CFAP410: variants seen among roughly 807,000 people sequenced by gnomAD.
CFAP410 encodes cilia and flagella associated protein 410.
In CFAP410, 27 loss-of-function variants were observed where a neutral mutation model predicts 25.7. The ratio of observed to expected loss-of-function variants is 1.05; its 90% CI spans 0.77 to 1.45. The LOEUF is 1.45. Among genes scored for constraint, CFAP410 ranks in the 40% most tolerant of loss-of-function variants. The pLI is 0.00. For missense variants in CFAP410, 428 were observed against 354.1 expected, an observed-to-expected ratio of 1.21 and a Z score of -1.67; for synonymous variants, 178 against 158.4, an observed-to-expected ratio of 1.12 and a Z score of -0.93.
chr21:44,338,334 G>A (rs1172484599), intron 1 of CFAP410: 1 of 1,288,842 alleles, frequency 7.8e-7, no homozygotes, highest in South Asian at 1.2e-5. Context: ...CGGTCACTCT[G>A]CTGAGTCCCC....
At chr21:44,335,197 A>G (rs1159540412) in intron 3 of CFAP410, 5 of 154,924 alleles carry the variant, frequency 3.2e-5, no homozygotes, top group Admixed American at 1.3e-4. Flanking sequence ...TCTCTTCCCC[A>G]GAGCCCCCAA....
intron 5 of CFAP410, 168 bp downstream of exon 5, chr21:44,331,675 C>A: frequency 1.6e-6 from 1 of 633,390 alleles, no homozygotes. Flanking sequence ...ACTACCTGGG[C>A]ACTGAGTCAC....
chr21:44,331,057 G>C (rs1211947176), intron 5 of CFAP410, 138 bp from the exon 6 acceptor site: 1 of 777,724 alleles, frequency 1.3e-6, no homozygotes, highest in African/African-American at 1.8e-5. Flanking sequence ...GGCAAGAGAA[G>C]GGAGGCAACT....
intron 2 of CFAP410, chr21:44,336,909 A>T (rs1435488465): frequency 6.6e-6 from 1 of 151,788 alleles, no homozygotes. Flanking sequence ...ACACAGTGAA[A>T]CTCCATCTCT....
At chr21:44,332,554 C>T (rs1311931888) in intron 4 of CFAP410, 2 of 170,084 alleles carry the variant, frequency 1.2e-5, no homozygotes, top group African/African-American at 2.4e-5. Context: ...TGGAGCGCAG[C>T]AGCAGGCACT....
rs2047614755 is a variant in CFAP410, at chr21:44,330,118, G to C, written c.*80C>G. 1 of 1,462,420 alleles carries C rather than the reference G, an allele frequency of 6.8e-7. No homozygotes were observed. Among genetic ancestry groups the C allele is most frequent in the Admixed American group, 2.1e-5 (1 of 48,512 alleles). The allele number at this position is 1,462,420 out of a possible 1,614,324, so 90.6% of individuals were successfully genotyped here. A position where few individuals can be genotyped will look rare whatever the true frequency, so the allele number is the denominator to read the frequency against. On this transcript the variant is annotated 3_prime_UTR_variant, in exon 7 of 7. Transcript: ENST00000339818. Reference sequence around the variant, plus strand: ...GTGTGGGGCCGGGGCTGCGGCCATGGCAGCCACCCTCCAGCTCCCGGGGGC... The same window carrying C: ...GTGTGGGGCCGGGGCTGCGGCCATGCCAGCCACCCTCCAGCTCCCGGGGGC...
rs1904438972 is a variant in CFAP410, at chr21:44,330,932, CAA to C, written c.546-15_546-14del. 6.4e-7 allele frequency: 1 copy of C among 1,573,972 alleles called. No homozygotes were observed. The highest frequency in any genetic ancestry group is 8.7e-7 in the Non-Finnish European group (1 of 1,156,036). On this transcript the variant is annotated splice_polypyrimidine_tract_variant and intron_variant, in intron 5 of 6. Coordinates refer to ENST00000339818, the MANE Select transcript of CFAP410 (RefSeq NM_004928.3). ...CTGGGCGCCGCTGCTGAGAGGGAGACAAAGGCGTGTGAGGGTCAGGGGGCTCG... is the reference window on the plus strand; with the variant it reads ...CTGGGCGCCGCTGCTGAGAGGGAGACAGGCGTGTGAGGGTCAGGGGGCTCG...
chr21:44,338,187 T>C, intron 1 of CFAP410: 1 of 965,392 alleles, frequency 1.0e-6, no homozygotes, highest in Non-Finnish European at 1.4e-6. Flanking sequence ...ACACCAGATA[T>C]GCCAGGGCAG....
At chr21:44,333,451 G>A (rs2047690376) in intron 3 of CFAP410, 189 bp from the exon 4 acceptor site, 1 of 603,910 alleles carries the variant, frequency 1.7e-6, no homozygotes, top group Admixed American at 2.9e-5. Flanking sequence ...GGAAGGCCAG[G>A]CCCTGAACTC....
In CFAP410 at chr21:44,339,202, GCCCAGGCCCGACCGGCGGGCGCC is replaced by G. The variant is rs773592228; in HGVS notation, c.-31_-9del. 6 of 1,444,466 alleles carry G rather than the reference GCCCAGGCCCGACCGGCGGGCGCC, an allele frequency of 4.2e-6. No homozygotes were observed. The South Asian group carries it at 8.4e-5, about 20-fold the overall frequency. 89.5% of individuals were successfully genotyped at this position (1,444,466 alleles called of 1,614,324 possible). On this transcript the variant is annotated 5_prime_UTR_variant, in exon 1 of 7. Coordinates refer to ENST00000339818, the MANE Select transcript of CFAP410 (RefSeq NM_004928.3). ...CTTCCGCGTCAGCTTCATGGCGGCC[GCCCAGGCCCGACCGGCGGGCGCC>G]CCCGGCCTCCTGATCCCGGGCGGGT...
At chr21:44,333,729 G>T (rs192417075) in intron 3 of CFAP410, 2 of 298,322 alleles carry the variant, frequency 6.7e-6, no homozygotes, top group East Asian at 1.9e-4. Flanking sequence ...CAACACTGGG[G>T]ATGGGCCTCA....
At chr21:44,336,602 G>A (rs2047761133) in intron 2 of CFAP410, among the ~76,000 whole-genome samples, 1 of 152,118 alleles carries the variant, frequency 6.6e-6, no homozygotes, top group African/African-American at 2.4e-5. Context: ...CTCACAGCCT[G>A]GTCAGATGCG....
Position 44,337,650 on chromosome 21 carries a change from T to C in CFAP410, c.95A>G (p.Asp32Gly), listed in dbSNP as rs1463086917. The stretch of plus-strand genomic sequence containing the variant: ...TTACATCTGTGAGGCAATACTTACA[T>C]CTGTGAGGCGGCTGCCCCTGGGGAG... ...KLNCWGSRLT[D>G]ISICQEMPSL... The change falls in exon 2 of 7, where the codon GAT (aspartate) becomes GGT (glycine). Residue 32 changes from aspartate (D) to glycine (G), a missense_variant and splice_region_variant. Transcript: ENST00000339818. 1 of 1,613,052 alleles carries C rather than the reference T, an allele frequency of 6.2e-7. No homozygotes were observed. Among genetic ancestry groups the C allele is most frequent in the East Asian group, 2.2e-5 (1 of 44,884 alleles).
Position 44,335,794 on chromosome 21 carries a change from C to T in CFAP410, c.107G>A (p.Cys36Tyr), listed in dbSNP as rs909781389. ...WGSRLTDISI[C>Y]QEMPSLEVIT... ...CACCTCCAGGCTGGGCATCTCCTGG[C>T]AAATGGAGATCTAGGAGGAAAAGAA... The change falls in exon 3 of 7, where the codon TGC becomes TAC. Residue 36 changes from cysteine (C) to tyrosine (Y), a missense_variant. Transcript: ENST00000339818. 2 of 1,590,858 alleles carry T rather than the reference C, an allele frequency of 1.3e-6. No homozygotes were observed. Among genetic ancestry groups the T allele is most frequent in the Admixed American group, 3.5e-5 (2 of 57,744 alleles).
chr21:44,331,973 C>T lies in CFAP410; in HGVS notation c.415G>A (p.Glu139Lys). 6.2e-7 allele frequency: 1 copy of T among 1,613,192 alleles called. No individual in the cohort carries two copies. Among genetic ancestry groups the T allele is most frequent in the Non-Finnish European group, 8.5e-7 (1 of 1,179,658 alleles). Residue 139 changes from glutamate to lysine, a missense_variant, in exon 5 of 7, where the codon GAG (glutamate) becomes AAG (lysine). Coordinates refer to ENST00000339818, the MANE Select transcript of CFAP410 (RefSeq NM_004928.3). ...EELSRALSEGEEITAAPEREG... is the reference protein window; with the variant it reads ...EELSRALSEGKEITAAPEREG... ...CTCTCTGGGGCCGCAGTGATCTCCT[C>T]TCCCTCACTCAGTGCACGGGACAGC...
chr21:44,329,510 C>T lies in CFAP410; in HGVS notation c.*688G>A, dbSNP rs2047600936. The T allele has an allele frequency of 6.6e-6, 1 of 152,302 alleles. No individual in the cohort carries two copies. The highest frequency in any genetic ancestry group is 2.4e-5 in the African/African-American group (1 of 41,434). 9.4% of individuals were successfully genotyped at this position (152,302 alleles called of 1,614,324 possible). On this transcript the variant is annotated 3_prime_UTR_variant, in exon 7 of 7. Transcript: ENST00000339818. ...CCCTCTCAGATGCTCCAAGGACTCC[C>T]CTAGTCTAGCTGCTTCCTGTGCCAG...
At chr21:44,334,522 C>CCCTCAACCTCTGGGCGGGCACGCGCA (rs1568989765) in intron 3 of CFAP410, 2,840 of 190,026 alleles carry the variant, frequency 0.015, 150 homozygotes, top group East Asian at 0.026. Context: ...CGCGCACCCC[C>CCCTCAACCTCTGGGCGGGCACGCGCA]CCCCCCCCCC....
intron 2 of CFAP410, among the ~76,000 whole-genome samples, chr21:44,337,096 A>AAAAG (rs1555883607): frequency 5.9e-5 from 9 of 151,558 alleles, no homozygotes; most frequent in East Asian, 1.9e-4. Context: ...AAAAAAAAAA[A>AAAAG]AAAGAAAGAA....
In CFAP410 at chr21:44,339,189, C is replaced by G. The variant is rs769824575; in HGVS notation, c.6G>C (p.Lys2Asn). 4.1e-6 allele frequency: 6 copies of G among 1,464,672 alleles called. No individual in the cohort carries two copies. The highest frequency in any genetic ancestry group is 4.5e-6 in the Non-Finnish European group (5 of 1,103,878). 90.7% of individuals were successfully genotyped at this position (1,464,672 alleles called of 1,614,324 possible). M[K>N]LTRKMVLTRA... ...GGGTCAGAACCATCTTCCGCGTCAG[C>G]TTCATGGCGGCCGCCCAGGCCCGAC... The change falls in exon 1 of 7, where the codon AAG (lysine) becomes AAC (asparagine). Residue 2 changes from lysine to asparagine, a missense_variant. Transcript: ENST00000339818.
Sources: gnomAD v4.1 joint callset for allele counts (sites outside exome capture counted in the v4.1 genomes callset) on GRCh38, gnomAD v4.1.1 for gene constraint, MANE v1.5 for transcripts, NCBI Gene and HGNC (gene_info 2026-07-23, HGNC 2026-07-21) for gene names.